ASRGL1: variants seen among roughly 807,000 people sequenced by gnomAD.
ASRGL1 encodes the protein isoaspartyl peptidase/L-asparaginase.
ASRGL1 carries 16 observed loss-of-function variants against 22.4 expected under a neutral mutation model. The ratio of observed to expected loss-of-function variants is 0.71; its 90% CI spans 0.48 to 1.08. ASRGL1 has a LOEUF of 1.08. Among genes scored for constraint, ASRGL1 ranks in the 50% least tolerant of loss-of-function variants. The pLI is 0.00. For missense variants in ASRGL1, 412 were observed against 410.1 expected (o/e 1.00, Z -0.04); for synonymous variants, 165 against 159.3 (o/e 1.04, Z -0.27).
chr11:62,376,646 T>C (rs909020249), intron 4 of ASRGL1, among the ~76,000 whole-genome samples: 1 of 152,180 alleles, frequency 6.6e-6, no homozygotes, highest in Non-Finnish European at 1.5e-5. Flanking sequence ...CACTCCTTAC[T>C]GTCTCCCCCT....
At chr11:62,373,624 C>A (rs74347164) in intron 4 of ASRGL1, among the ~76,000 whole-genome samples, 1 of 152,234 alleles carries the variant, frequency 6.6e-6, no homozygotes, top group Admixed American at 6.5e-5. Context: ...GCGAAGTCGC[C>A]GGCCCACCTC....
chr11:62,343,918 CTTT>C (rs34446979), intron 2 of ASRGL1, among the ~76,000 whole-genome samples: 98 of 100,654 alleles, frequency 9.7e-4, no homozygotes, highest in African/African-American at 3.5e-3. Context: ...TCATGCATTT[CTTT>C]TTTTTTTTTT....
chr11:62,368,621 C>T (rs185824495), intron 4 of ASRGL1, among the ~76,000 whole-genome samples: 64 of 152,132 alleles, frequency 4.2e-4, no homozygotes, highest in African/African-American at 8.2e-4. Flanking sequence ...GCTCAGCGTA[C>T]GGAGGACCCA....
chr11:62,388,424 T>C (rs1947263607), intron 4 of ASRGL1, among the ~76,000 whole-genome samples: 1 of 152,058 alleles, frequency 6.6e-6, no homozygotes, highest in South Asian at 2.1e-4. Context: ...CCCAGCACTT[T>C]GGGAGTCCAA....
At chr11:62,343,768 A>G (rs1255399899) in intron 2 of ASRGL1, among the ~76,000 whole-genome samples, 1 of 150,990 alleles carries the variant, frequency 6.6e-6, no homozygotes, top group African/African-American at 2.4e-5. Context: ...CTTAATCCAC[A>G]TCTTCACCAG....
At position 62,390,731 on chromosome 11, in the gene ASRGL1, G is replaced by T. The variant is rs181687783; in HGVS notation, c.611-791G>T. Among the ~76,000 whole-genome samples, 13 of 152,308 alleles carry T rather than the reference G, an allele frequency of 8.5e-5. No homozygotes were observed. In the East Asian group the frequency reaches 2.3e-3, roughly 27 times the overall value. On this transcript the variant is annotated intron_variant, in intron 5 of 6. Coordinates refer to ENST00000415229, the MANE Select transcript of ASRGL1 (RefSeq NM_001083926.2). ...GGATTATCTGCCTTTGAGAACCTCT[G>T]GGGCCTTGTGACAATCCAATGCAGC...
chr11:62,378,989 C>A (rs1683440475), intron 4 of ASRGL1, among the ~76,000 whole-genome samples: 1 of 152,042 alleles, frequency 6.6e-6, no homozygotes, highest in Non-Finnish European at 1.5e-5. Flanking sequence ...GTATATATCC[C>A]ATATTAGTCA....
chr11:62,371,290 G>C (rs140333838), intron 4 of ASRGL1: 2 of 1,380,584 alleles, frequency 1.4e-6, no homozygotes, highest in East Asian at 5.9e-5. Context: ...CAGCAGCAGC[G>C]GCGACGAGGA....
intron 4 of ASRGL1, among the ~76,000 whole-genome samples, chr11:62,387,021 T>C (rs993992116): frequency 1.3e-5 from 2 of 151,440 alleles, no homozygotes; most frequent in African/African-American, 4.9e-5. Flanking sequence ...GCCTCCCAAA[T>C]AGCTGGGATT....
chr11:62,392,100 C>T lies in ASRGL1; in HGVS notation c.743C>T (p.Ala248Val), dbSNP rs145306822. The T allele has an allele frequency of 4.0e-5, 65 of 1,614,162 alleles. No homozygotes were observed. The African/African-American group carries it at 4.9e-4, about 12-fold the overall frequency. Residue 248 changes from alanine (A) to valine (V), a missense_variant, in exon 7 of 7, where the codon GCG (alanine) becomes GTG (valine). Physicochemically the swap from Ala to Val is moderately conservative, Grantham distance 64. Transcript: ENST00000415229. ...IEQGKTVEEA[A>V]DLSLGYMKSR... ...TCAGGAAAGACGGTAGAAGAGGCTG[C>T]GGACCTATCGTTGGGTTATATGAAG...
chr11:62,369,440 CT>C (rs1187999055), intron 4 of ASRGL1, among the ~76,000 whole-genome samples: 1 of 152,132 alleles, frequency 6.6e-6, no homozygotes, highest in Non-Finnish European at 1.5e-5. Context: ...TCTGATCTCT[CT>C]TTTCCCCACA....
intron 4 of ASRGL1, among the ~76,000 whole-genome samples, chr11:62,387,264 C>T (rs1189110649): frequency 1.3e-5 from 2 of 152,070 alleles, no homozygotes; most frequent in African/African-American, 4.8e-5. Flanking sequence ...AACTGCCCAG[C>T]GTCCTCCCAT....
At chr11:62,347,427 TCCCTGGCAACCAGCTCC>T (rs548199823) in intron 2 of ASRGL1, among the ~76,000 whole-genome samples, 1 of 152,248 alleles carries the variant, frequency 6.6e-6, no homozygotes, top group South Asian at 2.1e-4. Context: ...CACGATTGGT[TCCCTGGCAACCAGCTCC>T]CCATTTTGAG....
At chr11:62,389,086 C>G (rs751402576) in intron 4 of ASRGL1, 47 bp from the exon 5 acceptor site, 109 of 1,496,786 alleles carry the variant, frequency 7.3e-5, no homozygotes, top group Non-Finnish European at 8.7e-5. Flanking sequence ...TTATGGTGTT[C>G]ATTCTCATTT....
At chr11:62,366,039 T>C (rs1946603003) in intron 4 of ASRGL1, among the ~76,000 whole-genome samples, 2 of 147,330 alleles carry the variant, frequency 1.4e-5, no homozygotes, top group South Asian at 4.4e-4. Flanking sequence ...ACAGGCAGAC[T>C]GCCCGAGCTC....
chr11:62,387,769 C>T (rs111297205), intron 4 of ASRGL1, among the ~76,000 whole-genome samples: 1 of 152,204 alleles, frequency 6.6e-6, no homozygotes, highest in Non-Finnish European at 1.5e-5. Flanking sequence ...CTACCACCCT[C>T]TACCCCAAAT....
At chr11:62,399,621 G>C in the ASRGL1 span, among the ~76,000 whole-genome samples, 1 of 152,236 alleles carries the variant, frequency 6.6e-6, no homozygotes, top group East Asian at 1.9e-4. Flanking sequence ...TGCCTGCAGC[G>C]GGCTCAGATG....
At chr11:62,391,849 G>A in intron 6 of ASRGL1, 1 of 734,574 alleles carries the variant, frequency 1.4e-6, no homozygotes, top group Non-Finnish European at 2.2e-6. Flanking sequence ...AGGAGAAGGG[G>A]GCAGTAGAGA....
At chr11:62,389,069 T>C in intron 4 of ASRGL1, 64 bp from the exon 5 acceptor site, 1 of 1,379,282 alleles carries the variant, frequency 7.3e-7, no homozygotes, top group Non-Finnish European at 1.0e-6. Flanking sequence ...TTAAGGTACA[T>C]TGTTGGTTAT....
Sources: allele counts gnomAD v4.1 joint callset (sites outside exome capture counted in the v4.1 genomes callset), GRCh38; gene constraint gnomAD v4.1.1; transcripts MANE v1.5; gene names NCBI Gene and HGNC (gene_info 2026-07-23, HGNC 2026-07-21).